EOGT: variants seen among roughly 807,000 people sequenced by gnomAD.
The protein encoded by EOGT is EGF domain-specific O-linked N-acetylglucosamine transferase.
In EOGT, 55 loss-of-function variants were observed where a neutral mutation model predicts 70.5. The observed-to-expected ratio is 0.78, with a 90% CI of 0.63 to 0.98. The LOEUF is 0.98. EOGT is among the 50% of genes least tolerant of loss of function. EOGT has a pLI of 0.00. For synonymous variants in EOGT, 246 were observed against 217.1 expected (o/e 1.13, Z -1.17); for missense variants, 703 against 641.9 (o/e 1.10, Z -1.03).
At chr3:68,982,693 A>G in intron 15 of EOGT, 118 bp downstream of exon 15, 1 of 590,258 alleles carries the variant, frequency 1.7e-6, no homozygotes, top group Non-Finnish European at 2.9e-6. Context: ...TGTAGTGTCT[A>G]CTTGTCCCTT....
Position 69,001,590 on chromosome 3 carries a change from G to GA in EOGT, c.727+17dup. The stretch of plus-strand genomic sequence containing the variant: ...CTCATTAACAAATACACAAATAACA[G>GA]AAAAAGTTATTTCTCACCTGCATCT... On this transcript the variant is annotated intron_variant, in intron 9 of 17. Transcript: ENST00000383701. 1 of 1,489,708 alleles carries GA rather than the reference G, an allele frequency of 6.7e-7. No homozygotes were observed. The highest frequency in any genetic ancestry group is 9.3e-7 in the Non-Finnish European group (1 of 1,078,114). 92.3% of individuals were successfully genotyped at this position (1,489,708 alleles called of 1,614,324 possible). A position where few individuals can be genotyped will look rare whatever the true frequency, so the allele number is the denominator to read the frequency against.
At chr3:69,012,411 G>C (rs1031825114) in intron 2 of EOGT, 104 bp downstream of exon 2, 2 of 152,154 alleles carry the variant, frequency 1.3e-5, no homozygotes, top group African/African-American at 4.8e-5. Flanking sequence ...CCTATTTTTT[G>C]ACTCGTCCTT....
chr3:69,008,753 C>T (rs371816051), intron 4 of EOGT, among the ~76,000 whole-genome samples: 32 of 152,320 alleles, frequency 2.1e-4, no homozygotes, highest in African/African-American at 6.7e-4. Context: ...GGTCCCCTAA[C>T]CGAAAGTCTG....
chr3:69,009,933 CA>C (rs60324569), intron 3 of EOGT, 73 bp from the exon 4 acceptor site: 6,710 of 246,018 alleles, frequency 0.027, 2 homozygotes, highest in East Asian at 0.041. Flanking sequence ...ACAACAACAA[CA>C]AAAAAAAAAA....
chr3:69,005,798 A>G (rs2091425228), intron 6 of EOGT, among the ~76,000 whole-genome samples: 1 of 152,212 alleles, frequency 6.6e-6, no homozygotes, highest in South Asian at 2.1e-4. Flanking sequence ...GCCTGATTCT[A>G]TTTCAACCAA....
Position 69,004,384 on chromosome 3 carries a change from T to G in EOGT, c.614A>C (p.Gln205Pro). The G allele has an allele frequency of 6.2e-7, 1 of 1,612,364 alleles. No homozygotes were observed. Among genetic ancestry groups the G allele is most frequent in the Non-Finnish European group, 8.5e-7 (1 of 1,178,608 alleles). ...TACGTTAAAAATATCTTACCATGAC[T>G]GCAGAGGGCTTTTGCGCTGACCTTC... is the stretch of plus-strand genomic sequence containing the variant. ...TSEGQRKSPL[Q>P]SWFAELQSYT... is the part of the protein sequence containing the mutation. The change falls in exon 8 of 18, where the codon CAG (glutamine) becomes CCG (proline). Residue 205 changes from glutamine to proline, a missense_variant. Physicochemically the swap from Gln to Pro is moderately conservative, Grantham distance 76 (BLOSUM62 -1). Transcript: ENST00000383701.
rs746063649 is a variant in EOGT, at chr3:68,977,689, C to G, written c.1513G>C (p.Val505Leu). 20 of 1,613,930 alleles carry G rather than the reference C, an allele frequency of 1.2e-5. 1 individual carries two copies. In the East Asian group the frequency reaches 4.5e-4, roughly 36 times the overall value. ...AATACGTGGTCTGCAGCCTGAAGGA[C>G]AAGATACATAAATTCTTCTACATCG... is the stretch of plus-strand genomic sequence containing the variant. ...SFDVEEFMYL[V>L]LQAADHVLQH... Residue 505 changes from valine (V) to leucine (L), a missense_variant, in exon 18 of 18, where the codon GTC becomes CTC. By Grantham distance (32) the Val-to-Leu change is conservative. Coordinates refer to ENST00000383701, the MANE Select transcript of EOGT (RefSeq NM_001278689.2).
chr3:69,008,217 G>A (rs1218992177), intron 5 of EOGT, among the ~76,000 whole-genome samples: 2 of 152,146 alleles, frequency 1.3e-5, no homozygotes, highest in East Asian at 3.8e-4. Flanking sequence ...ATTATCTATG[G>A]TCCTGGCTGT....
At chr3:68,981,632 A>C (rs1343653308) in intron 15 of EOGT, among the ~76,000 whole-genome samples, 1 of 152,220 alleles carries the variant, frequency 6.6e-6, no homozygotes, top group Non-Finnish European at 1.5e-5. Flanking sequence ...CAAACTGTGA[A>C]TAATAGGCAT....
At chr3:68,987,399 T>A in intron 14 of EOGT, 46 bp downstream of exon 14, 1 of 1,266,488 alleles carries the variant, frequency 7.9e-7, no homozygotes, top group Non-Finnish European at 1.1e-6. Context: ...CAATTTGCTC[T>A]ATGAATTGAA....
At chr3:68,992,336 T>A (rs7433193) in intron 10 of EOGT, among the ~76,000 whole-genome samples, 1 of 152,190 alleles carries the variant, frequency 6.6e-6, no homozygotes, top group Non-Finnish European at 1.5e-5. Flanking sequence ...CCGTTCCAAA[T>A]GGGAGAAATT....
chr3:69,007,668 A>G (rs767943864), intron 6 of EOGT, 45 bp downstream of exon 6: 1 of 1,292,604 alleles, frequency 7.7e-7, no homozygotes, highest in Admixed American at 2.0e-5. Context: ...AAATAAAATT[A>G]AAATTAAATA....
intron 15 of EOGT, among the ~76,000 whole-genome samples, chr3:68,980,537 A>G (rs1263666131): frequency 6.6e-6 from 1 of 152,248 alleles, no homozygotes; most frequent in African/African-American, 2.4e-5. Flanking sequence ...GACACTCTGA[A>G]TAAACAGAAA....
rs1266535100 is a variant in EOGT, at chr3:69,008,481, G to A, written c.258C>T (p.Cys86=). The change falls in exon 5 of 18, where the codon TGC becomes TGT. Residue 86 remains cysteine (C), a synonymous_variant. Coordinates refer to ENST00000383701, the MANE Select transcript of EOGT (RefSeq NM_001278689.2). ...GGTAACCAAACCTGAACTCTGGTTTGCAGGATTTCTCATAACCCCAGCAGT... is the reference window on the plus strand; with the variant it reads ...GGTAACCAAACCTGAACTCTGGTTTACAGGATTTCTCATAACCCCAGCAGT... ...LKYCWGYEKS[C]KPEFRFGYPV... The A allele has an allele frequency of 8.1e-6, 13 of 1,613,984 alleles. No homozygotes were observed. The Admixed American group carries it at 8.3e-5, about 10-fold the overall frequency.
At chr3:68,995,423 G>GT (rs1399388051) in intron 10 of EOGT, among the ~76,000 whole-genome samples, 1 of 152,168 alleles carries the variant, frequency 6.6e-6, no homozygotes, top group Non-Finnish European at 1.5e-5. Context: ...AAGGAAGGAG[G>GT]TAACACCAGG....
intron 7 of EOGT, 75 bp from the exon 8 acceptor site, chr3:69,004,557 T>C (rs2107359860): frequency 1.1e-6 from 1 of 923,986 alleles, no homozygotes; most frequent in Non-Finnish European, 1.7e-6. Context: ...GTAACTAAAG[T>C]GGATTACCAA....
Position 68,988,303 on chromosome 3 carries a change from C to A in EOGT, c.1075G>T (p.Gly359Ter), listed in dbSNP as rs1407460286. ...VLHRLNITQE[G>*]PKDGKIRVTI... ...CGCAGTGTATCCATTACCTTAGGTCCTTCTTGTGTGATGTTTAGTCTGTGT... is the reference window on the plus strand; with the variant it reads ...CGCAGTGTATCCATTACCTTAGGTCATTCTTGTGTGATGTTTAGTCTGTGT... Residue 359 changes from glycine to a stop codon, truncating the protein, a stop_gained, in exon 13 of 18, where the codon GGA (glycine) becomes TGA (stop). Transcript: ENST00000383701. LOFTEE classifies it high-confidence loss of function. 1.3e-6 allele frequency: 2 copies of A among 1,535,266 alleles called. No individual in the cohort carries two copies. Among genetic ancestry groups the A allele is most frequent in the Admixed American group, 2.0e-5 (1 of 50,974 alleles).
chr3:68,986,040 C>T (rs2107196967), intron 14 of EOGT, among the ~76,000 whole-genome samples: 1 of 152,272 alleles, frequency 6.6e-6, no homozygotes, highest in South Asian at 2.1e-4. Context: ...TCTCTCTGGC[C>T]CCACTTCCCT....
At chr3:69,007,411 G>T (rs2091461934) in intron 6 of EOGT, among the ~76,000 whole-genome samples, 1 of 150,976 alleles carries the variant, frequency 6.6e-6, no homozygotes. Flanking sequence ...CCAGCACTTT[G>T]GGAGGCTGAG....
Sources: allele counts gnomAD v4.1 joint callset (sites outside exome capture counted in the v4.1 genomes callset), GRCh38; gene constraint gnomAD v4.1.1; transcripts MANE v1.5; gene names NCBI Gene and HGNC (gene_info 2026-07-23, HGNC 2026-07-21).